SPHKAP: variants seen among roughly 807,000 people sequenced by gnomAD.
The protein encoded by SPHKAP is A-kinase anchor protein SPHKAP.
SPHKAP carries 67 observed loss-of-function variants against 137.5 expected under a neutral mutation model. That is an observed-to-expected ratio of 0.49 (90% confidence interval 0.40 to 0.60). SPHKAP has a LOEUF of 0.60. SPHKAP is among the 20% of genes least tolerant of loss of function. The pLI is 0.00. For synonymous variants in SPHKAP, 813 were observed against 785.3 expected (o/e 1.04, Z -0.59); for missense variants, 2,097 against 2,069.3 (o/e 1.01, Z -0.26).
At chr2:228,021,204 T>C (rs1694829825) in intron 6 of SPHKAP, among the ~76,000 whole-genome samples, 1 of 152,176 alleles carries the variant, frequency 6.6e-6, no homozygotes, top group Non-Finnish European at 1.5e-5. Context: ...ATTATCTCTT[T>C]CTGTCTTCAC....
intron 3 of SPHKAP, among the ~76,000 whole-genome samples, chr2:228,048,372 C>A (rs1015926771): frequency 3.9e-5 from 6 of 151,904 alleles, no homozygotes; most frequent in African/African-American, 1.2e-4. Context: ...GGGTATTTAC[C>A]TATTTACCAT....
intron 7 of SPHKAP, among the ~76,000 whole-genome samples, chr2:228,012,665 T>C (rs1193768777): frequency 6.6e-6 from 1 of 152,232 alleles, no homozygotes; most frequent in Non-Finnish European, 1.5e-5. Flanking sequence ...TTCTTCTGTG[T>C]TTTCAGCCCC....
chr2:228,022,049 C>T, intron 5 of SPHKAP, 83 bp from the exon 6 acceptor site: 1 of 1,458,086 alleles, frequency 6.9e-7, no homozygotes, highest in South Asian at 1.5e-5. Flanking sequence ...TTCCACCAAG[C>T]TCTCCTGTTA....
intron 3 of SPHKAP, among the ~76,000 whole-genome samples, chr2:228,053,197 A>G (rs1255604046): frequency 6.6e-6 from 1 of 152,022 alleles, no homozygotes; most frequent in Non-Finnish European, 1.5e-5. Context: ...TCTTTTCATA[A>G]GGGCAATCTC....
At chr2:228,037,270 C>T (rs1362934698) in intron 3 of SPHKAP, among the ~76,000 whole-genome samples, 1 of 152,116 alleles carries the variant, frequency 6.6e-6, no homozygotes, top group African/African-American at 2.4e-5. Flanking sequence ...TGAATGCCCA[C>T]AAGGAGAAAA....
intron 2 of SPHKAP, among the ~76,000 whole-genome samples, chr2:228,124,144 A>C (rs1476941310): frequency 6.6e-6 from 1 of 152,160 alleles, no homozygotes; most frequent in African/African-American, 2.4e-5. Flanking sequence ...TGGGACTGTC[A>C]ACTAGTTCAA....
Position 228,001,230 on chromosome 2 carries a change from CATAT to C in SPHKAP, c.4449-5540_4449-5537del, listed in dbSNP as rs35028587. Among the ~76,000 whole-genome samples the C allele has an allele frequency of 3.9e-3, 541 of 138,402 alleles. 3 individuals are homozygous for C. The highest frequency in any genetic ancestry group is 0.013 in the African/African-American group (503 of 37,358). The allele number at this position is 138,402 out of a possible 152,430, so 90.8% of individuals were successfully genotyped here. A position where few individuals can be genotyped will look rare whatever the true frequency, so the allele number is the denominator to read the frequency against. Reference sequence around the variant, plus strand: ...TTTGATCATTTTTCTTTTATATAAACATATATATATATATATATACACACACACA... The same window carrying C: ...TTTGATCATTTTTCTTTTATATAAACATATATATATATATACACACACACA... On this transcript the variant is annotated intron_variant, in intron 7 of 11. Transcript: ENST00000392056.
rs567695549 is a variant in SPHKAP at position 228,005,839 on chromosome 2, G to C, written c.4449-10145C>G. On this transcript the variant is annotated intron_variant, in intron 7 of 11. Transcript: ENST00000392056. ...AGTTTGGCTGGATATGAAATTCTGG[G>C]TTGAAAATTCTTTTCTTTAAGAATG... 4.0e-3 allele frequency among the ~76,000 whole-genome samples: 603 copies of C among 152,244 alleles called. 4 individuals carry two copies. Among genetic ancestry groups the C allele is most frequent in the African/African-American group, 0.014 (564 of 41,534 alleles).
intron 3 of SPHKAP, among the ~76,000 whole-genome samples, chr2:228,066,867 C>T (rs908639636): frequency 4.6e-5 from 7 of 152,254 alleles, no homozygotes; most frequent in African/African-American, 4.8e-5. Flanking sequence ...AAACTAAGCT[C>T]GTAAATGGAA....
intron 7 of SPHKAP, chr2:227,995,944 G>A (rs1693626567): frequency 1.0e-6 from 1 of 984,646 alleles, no homozygotes; most frequent in East Asian, 1.1e-4. Context: ...TTGAAAAACA[G>A]GTTGAATGTA....
intron 6 of SPHKAP, among the ~76,000 whole-genome samples, chr2:228,020,995 G>T (rs1694822891): frequency 6.6e-6 from 1 of 152,084 alleles, no homozygotes; most frequent in East Asian, 1.9e-4. Flanking sequence ...GGATGTTTAC[G>T]GCAACCTCAG....
At chr2:228,041,939 C>CAT (rs2106259601) in intron 3 of SPHKAP, among the ~76,000 whole-genome samples, 1 of 152,122 alleles carries the variant, frequency 6.6e-6, no homozygotes, top group Admixed American at 6.5e-5. Context: ...AGCAGCTAAT[C>CAT]ATCTTTACTA....
intron 7 of SPHKAP, among the ~76,000 whole-genome samples, chr2:228,009,758 T>C (rs1239774621): frequency 6.6e-6 from 1 of 152,204 alleles, no homozygotes; most frequent in Admixed American, 6.5e-5. Context: ...TTAGAACAAG[T>C]GTAGATTAGC....
chr2:228,175,681 C>T (rs1373885085), intron 1 of SPHKAP, among the ~76,000 whole-genome samples: 1 of 152,050 alleles, frequency 6.6e-6, no homozygotes, highest in Non-Finnish European at 1.5e-5. Flanking sequence ...TTATCCCTAT[C>T]TACAATCTTA....
chr2:228,088,192 C>T (rs1280239353), intron 3 of SPHKAP, among the ~76,000 whole-genome samples: 6 of 152,010 alleles, frequency 3.9e-5, no homozygotes, highest in Non-Finnish European at 8.8e-5. Flanking sequence ...TACTTCCTCT[C>T]TATTCTTTTC....
chr2:228,109,371 T>C, intron 2 of SPHKAP: 1 of 984,904 alleles, frequency 1.0e-6, no homozygotes, highest in Non-Finnish European at 1.2e-6. Flanking sequence ...TTCACTTCTT[T>C]GGTTCTGCTA....
At chr2:228,080,900 G>T (rs1005926555) in intron 3 of SPHKAP, among the ~76,000 whole-genome samples, 9 of 152,136 alleles carry the variant, frequency 5.9e-5, no homozygotes, top group African/African-American at 1.9e-4. Flanking sequence ...GTACACAGTT[G>T]TTGGGAATGT....
intron 3 of SPHKAP, among the ~76,000 whole-genome samples, chr2:228,080,945 A>C (rs575911294): frequency 4.9e-4 from 74 of 152,254 alleles, no homozygotes; most frequent in African/African-American, 1.7e-3. Context: ...GAGGTTCCTC[A>C]AAAAATTAAA....
At chr2:228,043,776 A>G (rs1476248548) in intron 3 of SPHKAP, among the ~76,000 whole-genome samples, 1 of 152,118 alleles carries the variant, frequency 6.6e-6, no homozygotes, top group Non-Finnish European at 1.5e-5. Context: ...ATGCTTTACA[A>G]TTTTGTAGAA....
Sources: gnomAD v4.1 joint callset for allele counts (sites outside exome capture counted in the v4.1 genomes callset) on GRCh38, gnomAD v4.1.1 for gene constraint, MANE v1.5 for transcripts, NCBI Gene and HGNC (gene_info 2026-07-23, HGNC 2026-07-21) for gene names.